The following MALRD1 variants were observed in gnomAD, a reference collection of about 807,000 sequenced individuals.
The protein encoded by MALRD1 is MAM and LDL-receptor class A domain-containing protein 1.
In MALRD1, 247 loss-of-function variants were observed where a neutral mutation model predicts 242.1. The ratio of observed to expected loss-of-function variants is 1.02; its 90% confidence interval spans 0.92 to 1.13. The LOEUF (loss-of-function observed/expected upper bound fraction) is 1.13, where lower values mean the gene tolerates loss of function less well. Among genes scored for constraint, MALRD1 ranks in the 50% most tolerant of loss-of-function variants. MALRD1 has a pLI of 0.00. For missense variants in MALRD1, 2,989 were observed against 2,533.1 expected (o/e 1.18, Z -3.86); for synonymous variants, 995 against 866.6 (o/e 1.15, Z -2.60).
At chr10:19,131,139 G>GTGTGA (rs761386624) in intron 8 of MALRD1, among the ~76,000 whole-genome samples, 62 of 152,026 alleles carry the variant, frequency 4.1e-4, no homozygotes, top group South Asian at 8.3e-4. Context: ...TAAGTCCCAA[G>GTGTGA]TCAATGTTTT....
intron 21 of MALRD1, among the ~76,000 whole-genome samples, chr10:19,301,599 A>G (rs1202633798): frequency 6.6e-6 from 1 of 151,862 alleles, no homozygotes; most frequent in East Asian, 1.9e-4. Flanking sequence ...ATCTTAAGGA[A>G]ATTAACACAG....
intron 14 of MALRD1, among the ~76,000 whole-genome samples, chr10:19,179,985 GA>G (rs943856404): frequency 1.3e-5 from 2 of 150,136 alleles, no homozygotes; most frequent in Admixed American, 6.6e-5. Flanking sequence ...TACAGAAGAA[GA>G]AAAAAAAAGA....
At chr10:19,071,280 A>T (rs1835138524) in intron 2 of MALRD1, among the ~76,000 whole-genome samples, 1 of 150,440 alleles carries the variant, frequency 6.6e-6, no homozygotes, top group African/African-American at 2.5e-5. Context: ...GACAGAGATT[A>T]TTCATAGAAC....
intron 5 of MALRD1, among the ~76,000 whole-genome samples, chr10:19,106,354 G>A (rs113581037): frequency 5.9e-4 from 90 of 151,840 alleles, no homozygotes; most frequent in African/African-American, 2.1e-3. Flanking sequence ...TATCTGTTCA[G>A]ATTTTCTCTT....
chr10:19,125,088 G>A (rs1220155782), intron 7 of MALRD1, among the ~76,000 whole-genome samples: 2 of 151,306 alleles, frequency 1.3e-5, no homozygotes, highest in Admixed American at 6.6e-5. Context: ...TGGGACTACA[G>A]GCACGTGCTA....
chr10:19,360,323 A>G (rs1247246284), intron 26 of MALRD1, among the ~76,000 whole-genome samples: 1 of 152,148 alleles, frequency 6.6e-6, no homozygotes, highest in Non-Finnish European at 1.5e-5. Context: ...ATTTTCTGCT[A>G]CCTAGGTCTA....
At chr10:19,714,475 C>T (rs1026393349) in intron 38 of MALRD1, among the ~76,000 whole-genome samples, 1 of 152,080 alleles carries the variant, frequency 6.6e-6, no homozygotes, top group Non-Finnish European at 1.5e-5. Context: ...GCTAGGGTCT[C>T]GGGGTTTTTA....
At chr10:19,632,341 G>A (rs7906346) in intron 36 of MALRD1, among the ~76,000 whole-genome samples, 4,596 of 152,046 alleles carry the variant, frequency 0.03, 200 homozygotes, top group African/African-American at 0.1. Context: ...GCTATCTTCC[G>A]TAGGCCAAGA....
chr10:19,376,447 C>T (rs113557239), intron 26 of MALRD1, among the ~76,000 whole-genome samples: 1,523 of 152,024 alleles, frequency 0.01, 25 homozygotes, highest in African/African-American at 0.035. Context: ...AAATTGCTTC[C>T]CTCACAGTAG....
chr10:19,085,669 G>C (rs974036940), intron 2 of MALRD1, among the ~76,000 whole-genome samples: 1 of 151,796 alleles, frequency 6.6e-6, no homozygotes, highest in African/African-American at 2.4e-5. Flanking sequence ...ATAAAACACT[G>C]TTTAAATATT....
In MALRD1 at chr10:19,209,255, A is replaced by T. The variant is rs1205790947; in HGVS notation, c.2579-13A>T. ...CCTAATTATCTTTTGCTTTTATTTC[A>T]TGTGAATTTCAGCACCTGAGCTGCA... On this transcript the variant is annotated splice_polypyrimidine_tract_variant and intron_variant, in intron 17 of 39. Coordinates refer to ENST00000454679, the MANE Select transcript of MALRD1 (RefSeq NM_001142308.3). The T allele has an allele frequency of 1.3e-6, 2 of 1,493,856 alleles. No individual in the cohort carries two copies. The highest frequency in any genetic ancestry group is 1.3e-5 in the South Asian group (1 of 74,202). The allele number at this position is 1,493,856 out of a possible 1,614,324, so 92.5% of individuals were successfully genotyped here.
intron 36 of MALRD1, among the ~76,000 whole-genome samples, chr10:19,640,573 C>T (rs1050513701): frequency 6.6e-6 from 1 of 151,944 alleles, no homozygotes; most frequent in South Asian, 2.1e-4. Flanking sequence ...TATTCGTGTT[C>T]CTTTCTACTC....
chr10:19,696,973 A>G (rs1833409408), intron 38 of MALRD1, among the ~76,000 whole-genome samples: 1 of 152,178 alleles, frequency 6.6e-6, no homozygotes, highest in Non-Finnish European at 1.5e-5. Flanking sequence ...ATGAGCCTAC[A>G]ATATGCTAGA....
chr10:19,097,823 T>G (rs1235872650), intron 4 of MALRD1, among the ~76,000 whole-genome samples: 1 of 152,180 alleles, frequency 6.6e-6, no homozygotes, highest in Non-Finnish European at 1.5e-5. Flanking sequence ...GATAATAATG[T>G]CGATTCTTGC....
At chr10:19,336,863 G>T (rs1257391580) in intron 24 of MALRD1, among the ~76,000 whole-genome samples, 1 of 151,850 alleles carries the variant, frequency 6.6e-6, no homozygotes, top group Non-Finnish European at 1.5e-5. Context: ...TCAAAACCCT[G>T]CCAAGAATAA....
intron 30 of MALRD1, among the ~76,000 whole-genome samples, chr10:19,494,961 A>G (rs1837646281): frequency 6.6e-6 from 1 of 151,570 alleles, no homozygotes; most frequent in African/African-American, 2.4e-5. Context: ...GATTATCCAC[A>G]AGACACATAA....
intron 28 of MALRD1, among the ~76,000 whole-genome samples, chr10:19,431,810 T>G (rs1026915519): frequency 6.6e-6 from 1 of 152,188 alleles, no homozygotes; most frequent in Admixed American, 6.5e-5. Context: ...GTTCTTCTGT[T>G]TGCATTGAAT....
intron 33 of MALRD1, 23 bp from the exon 34 acceptor site, chr10:19,595,171 A>G (rs1297813778): frequency 6.5e-7 from 1 of 1,536,950 alleles, no homozygotes. Flanking sequence ...TGCCAAAATA[A>G]CTTGACTTGC....
intron 14 of MALRD1, among the ~76,000 whole-genome samples, chr10:19,178,141 C>T (rs1280522597): frequency 6.6e-6 from 1 of 152,100 alleles, no homozygotes; most frequent in Non-Finnish European, 1.5e-5. Context: ...ATGGAGAATT[C>T]TTTTCTTAAA....
Sources: gnomAD v4.1 joint callset for allele counts (sites outside exome capture counted in the v4.1 genomes callset) on GRCh38, gnomAD v4.1.1 for gene constraint, MANE v1.5 for transcripts, NCBI Gene and HGNC (gene_info 2026-07-23, HGNC 2026-07-21) for gene names.